The following NUP214 variants were observed in gnomAD, a reference collection of about 807,000 sequenced individuals.
The protein encoded by NUP214 is nucleoporin 214.
A neutral mutation model predicts 196.2 loss-of-function variants in NUP214; 79 were observed. That is an observed-to-expected ratio of 0.40 (90% confidence interval 0.34 to 0.49). The LOEUF (loss-of-function observed/expected upper bound fraction) is 0.49. Among genes scored for constraint, NUP214 ranks in the 20% least tolerant of loss-of-function variants. The pLI is 0.58. For synonymous variants in NUP214, 1,020 were observed against 990.5 expected (o/e 1.03, Z -0.56); for missense variants, 2,468 against 2,539.0 (o/e 0.97, Z 0.60).
chr9:131,201,274 C>T (rs1205050028), intron 29 of NUP214, among the ~76,000 whole-genome samples: 1 of 151,660 alleles, frequency 6.6e-6, no homozygotes, highest in Non-Finnish European at 1.5e-5. Context: ...CAAGACCATC[C>T]TGGCCAACAT....
chr9:131,201,571 A>AT, intron 29 of NUP214, 76 bp from the exon 30 acceptor site: 1 of 1,298,052 alleles, frequency 7.7e-7, no homozygotes. Flanking sequence ...CTCAAAAAAA[A>AT]AAAACAACAA....
intron 32 of NUP214, among the ~76,000 whole-genome samples, 166 bp from the exon 33 acceptor site, chr9:131,227,993 AG>A (rs1254553273): frequency 4.4e-5 from 1 of 22,862 alleles, no homozygotes; most frequent in African/African-American, 1.7e-4. Flanking sequence ...GGCGGGGGGG[AG>A]GGGGGGTGTT....
At chr9:131,137,477 C>A (rs566349045) in intron 9 of NUP214, among the ~76,000 whole-genome samples, 1 of 151,456 alleles carries the variant, frequency 6.6e-6, no homozygotes, top group South Asian at 2.1e-4. Flanking sequence ...AGAGTTACAG[C>A]GTTGTTTTAA....
In NUP214 at chr9:131,146,273, A is replaced by G; in HGVS notation, c.1914A>G (p.Pro638=). 4 of 1,614,184 alleles carry G rather than the reference A, an allele frequency of 2.5e-6. No individual in the cohort carries two copies. Among genetic ancestry groups the G allele is most frequent in the Non-Finnish European group, 3.4e-6 (4 of 1,180,020 alleles). The change falls in exon 13 of 36, where the codon CCA becomes CCG. Residue 638 remains proline, a synonymous_variant. Coordinates refer to ENST00000359428, the MANE Select transcript of NUP214 (RefSeq NM_005085.4). The surrounding 1 kb of genome is among the most constrained non-coding windows in gnomAD (Gnocchi z 4.6). The part of the protein sequence containing the change: ...TPLSAPPSSV[P]LKSSVLPSPS... ...TCTCAGCACCACCTAGTTCCGTGCC[A>G]TTGAAGTCCTCAGTCTTGCCCTCAC...
At chr9:131,132,329 G>GGTGA (rs1831581885) in intron 5 of NUP214, among the ~76,000 whole-genome samples, 1 of 152,104 alleles carries the variant, frequency 6.6e-6, no homozygotes, top group East Asian at 1.9e-4. Flanking sequence ...GGCCAGGCTA[G>GGTGA]TCTCGAACTC....
intron 17 of NUP214, among the ~76,000 whole-genome samples, chr9:131,158,209 C>A (rs1832518856): frequency 6.6e-6 from 1 of 151,972 alleles, no homozygotes; most frequent in African/African-American, 2.4e-5. Flanking sequence ...CTCCCAAGTA[C>A]CTGGGATTAT....
intron 16 of NUP214, among the ~76,000 whole-genome samples, chr9:131,151,406 C>T (rs184419245): frequency 2.0e-4 from 30 of 152,282 alleles, no homozygotes; most frequent in Admixed American, 1.4e-3. Context: ...TTCCAGAGTT[C>T]GGGTCTTAAA....
chr9:131,230,335 C>T (rs1564223838), intron 33 of NUP214: 1 of 372,442 alleles, frequency 2.7e-6, no homozygotes, highest in East Asian at 5.5e-5. Context: ...AGAGCAGGAA[C>T]TGTGTACTGC....
intron 32 of NUP214, among the ~76,000 whole-genome samples, chr9:131,226,400 G>A (rs1208225824): frequency 6.6e-6 from 1 of 151,994 alleles, no homozygotes; most frequent in Non-Finnish European, 1.5e-5. Flanking sequence ...ACCCAGGTGT[G>A]TTGTTTGGGG....
intron 30 of NUP214, among the ~76,000 whole-genome samples, chr9:131,208,180 A>G (rs1050608643): frequency 1.3e-5 from 2 of 152,244 alleles, no homozygotes; most frequent in African/African-American, 2.4e-5. Context: ...CAAAAAGCTA[A>G]ATATAGTACT....
intron 17 of NUP214, chr9:131,153,198 T>C (rs1203173262): frequency 6.6e-6 from 1 of 152,154 alleles, no homozygotes; most frequent in Non-Finnish European, 1.5e-5. Context: ...TGTCTGGAAT[T>C]CCAGCGGGAA....
In NUP214 at chr9:131,234,424, T is replaced by G. The variant is rs1588187029; in HGVS notation, c.*937T>G. On this transcript the variant is annotated 3_prime_UTR_variant, in exon 36 of 36. Coordinates refer to ENST00000359428, the MANE Select transcript of NUP214 (RefSeq NM_005085.4). ...ATCACTGCAGTTTTATTAGAGTGCTTCTTTATCTTTAATGCAGTATCTTTG... is the reference window on the plus strand; with the variant it reads ...ATCACTGCAGTTTTATTAGAGTGCTGCTTTATCTTTAATGCAGTATCTTTG... The G allele has an allele frequency of 4.7e-5, 11 of 232,188 alleles. No homozygotes were observed. The highest frequency in any genetic ancestry group is 4.3e-4 in the East Asian group (7 of 16,432). 14.4% of individuals were successfully genotyped at this position (232,188 alleles called of 1,614,324 possible).
At chr9:131,221,462 A>G (rs1024409523) in intron 31 of NUP214, among the ~76,000 whole-genome samples, 1 of 152,162 alleles carries the variant, frequency 6.6e-6, no homozygotes, top group African/African-American at 2.4e-5. Context: ...TTGCATCTGG[A>G]CGTATTAACC....
At chr9:131,156,076 G>A (rs2133531831) in intron 17 of NUP214, among the ~76,000 whole-genome samples, 1 of 151,366 alleles carries the variant, frequency 6.6e-6, no homozygotes, top group South Asian at 2.1e-4. Context: ...TGACAGCATG[G>A]TCATTTTCAC....
chr9:131,159,979 A>C (rs10453256), intron 18 of NUP214, among the ~76,000 whole-genome samples: 95,707 of 151,910 alleles, frequency 0.63, 30,733 homozygotes, highest in Admixed American at 0.74. Context: ...TACATAAAAT[A>C]ATTTATATTG....
intron 31 of NUP214, among the ~76,000 whole-genome samples, chr9:131,219,414 C>T (rs1312697534): frequency 2.0e-5 from 3 of 152,176 alleles, no homozygotes; most frequent in African/African-American, 7.2e-5. Context: ...CATTTATGCC[C>T]CGGGCTGCTT....
chr9:131,218,761 T>TC (rs1564217140), intron 31 of NUP214, among the ~76,000 whole-genome samples: 6 of 152,080 alleles, frequency 3.9e-5, no homozygotes, highest in Non-Finnish European at 5.9e-5. Flanking sequence ...TCCCACTGAC[T>TC]ATAGGATAAA....
chr9:131,194,448 G>T (rs568179188), intron 27 of NUP214, among the ~76,000 whole-genome samples: 7 of 152,202 alleles, frequency 4.6e-5, no homozygotes, highest in Admixed American at 4.6e-4. Flanking sequence ...ATGTTGCCTA[G>T]GCTGGTCTCA....
rs1187266458 is a variant in NUP214, at chr9:131,146,071, T to C, written c.1770-58T>C. 1.4e-6 allele frequency: 2 copies of C among 1,451,582 alleles called. No individual in the cohort carries two copies. The highest frequency in any genetic ancestry group is 2.8e-5 in the African/African-American group (2 of 71,456). The allele number at this position is 1,451,582 out of a possible 1,614,324, so 89.9% of individuals were successfully genotyped here. A position where few individuals can be genotyped will look rare whatever the true frequency, so the allele number is the denominator to read the frequency against. On this transcript the variant is annotated intron_variant, in intron 12 of 35. Transcript: ENST00000359428. This position sits in a 1 kb window ranked among gnomAD's most constrained non-coding sequence, Gnocchi z 4.6. Reference sequence around the variant, plus strand: ...TATCTTTTGATGACATTGCTCATGCTAGTGTAAAAGAATCTTCTAGCAGGC... The same window carrying C: ...TATCTTTTGATGACATTGCTCATGCCAGTGTAAAAGAATCTTCTAGCAGGC...
Sources: gnomAD v4.1 joint callset for allele counts (sites outside exome capture counted in the v4.1 genomes callset) on GRCh38, gnomAD v4.1.1 for gene constraint, Gnocchi (gnomAD v3.1) non-coding constraint, MANE v1.5 for transcripts, NCBI Gene and HGNC (gene_info 2026-07-23, HGNC 2026-07-21) for gene names.